LRTM1: variants seen among roughly 807,000 people sequenced by gnomAD.
LRTM1 encodes leucine-rich repeat and transmembrane domain-containing protein 1.
A neutral mutation model predicts 32.4 loss-of-function variants in LRTM1; 38 were observed. The ratio of observed to expected loss-of-function variants is 1.17; its 90% CI spans 0.91 to 1.54. LRTM1 has a LOEUF of 1.54. LRTM1 is among the 40% of genes most tolerant of loss of function. LRTM1 has a pLI of 0.00. For synonymous variants in LRTM1, 186 were observed against 169.9 expected (o/e 1.09, Z -0.74); for missense variants, 466 against 415.4 (o/e 1.12, Z -1.06).
At chr3:54,928,064 G>A, upstream of LRTM1, 1 of 701,140 alleles carries the variant, frequency 1.4e-6, no homozygotes, top group Non-Finnish European at 2.5e-6. Context: ...GAAAACAGTT[G>A]TTGCTTTCAA....
chr3:54,940,468 C>G (rs1473845981), intron 1 of LRTM1, among the ~76,000 whole-genome samples: 1 of 152,186 alleles, frequency 6.6e-6, no homozygotes, highest in African/African-American at 2.4e-5. Context: ...ACCAACATTT[C>G]AGACACAGAC....
intron 2 of LRTM1, among the ~76,000 whole-genome samples, 200 bp downstream of exon 2, chr3:54,924,419 G>C (rs1297369120): frequency 6.6e-6 from 1 of 152,148 alleles, no homozygotes; most frequent in Non-Finnish European, 1.5e-5. Context: ...CATATTTGTA[G>C]ATTAATTTCG....
At position 54,920,351 on chromosome 3, in the gene LRTM1, G is replaced by A. The variant is rs1700806716; in HGVS notation, c.605-1459C>T. Among the ~76,000 whole-genome samples, 3 of 152,204 alleles carry A rather than the reference G, an allele frequency of 2.0e-5. No homozygotes were observed. In the South Asian group the frequency reaches 6.2e-4, roughly 32 times the overall value. Reference sequence around the variant, plus strand: ...TGGCCCCAACACACCAGGGTGAGTGGCAGTGGCAAAATTCAACCCATGTCC... The same window carrying A: ...TGGCCCCAACACACCAGGGTGAGTGACAGTGGCAAAATTCAACCCATGTCC... On this transcript the variant is annotated intron_variant, in intron 2 of 2. Coordinates refer to ENST00000273286, the MANE Select transcript of LRTM1 (RefSeq NM_020678.4).
At chr3:54,942,236 C>T (rs1216390277) in intron 1 of LRTM1, among the ~76,000 whole-genome samples, 3 of 152,138 alleles carry the variant, frequency 2.0e-5, no homozygotes, top group African/African-American at 7.2e-5. Flanking sequence ...AGCCCATGGT[C>T]CCTTGAAAGT....
intron 1 of LRTM1, among the ~76,000 whole-genome samples, chr3:54,950,827 T>C (rs9847621): frequency 0.015 from 2,357 of 152,114 alleles, 68 homozygotes; most frequent in African/African-American, 0.054. Context: ...CATGGTGACA[T>C]GTGAGGTTTG....
At chr3:54,926,764 G>A (rs1216795566) in intron 1 of LRTM1, among the ~76,000 whole-genome samples, 1 of 152,118 alleles carries the variant, frequency 6.6e-6, no homozygotes, top group African/African-American at 2.4e-5. Flanking sequence ...AGGGGTAGTT[G>A]AACGGTTGCA....
chr3:54,928,226 G>A (rs75510138), upstream of LRTM1, among the ~76,000 whole-genome samples: 5,381 of 152,184 alleles, frequency 0.035, 303 homozygotes, highest in African/African-American at 0.12. Context: ...GATGAGCCGC[G>A]TAAAGAATGT....
chr3:54,922,707 T>C (rs1700888967), intron 2 of LRTM1, among the ~76,000 whole-genome samples: 1 of 152,130 alleles, frequency 6.6e-6, no homozygotes, highest in African/African-American at 2.4e-5. Context: ...GCTTCGGGCT[T>C]AAATATACAA....
chr3:54,947,377 C>T (rs538232176), intron 1 of LRTM1, among the ~76,000 whole-genome samples: 1 of 152,256 alleles, frequency 6.6e-6, no homozygotes, highest in East Asian at 1.9e-4. Context: ...ATAACAGGCT[C>T]TGGTTAGGAC....
At chr3:54,942,211 A>C (rs1036606372) in intron 1 of LRTM1, among the ~76,000 whole-genome samples, 5 of 152,202 alleles carry the variant, frequency 3.3e-5, no homozygotes, top group African/African-American at 7.2e-5. Flanking sequence ...CAGGTGTGTC[A>C]GTGCTTTTAA....
chr3:54,938,930 T>G (rs1451153019), intron 1 of LRTM1, among the ~76,000 whole-genome samples: 1 of 152,112 alleles, frequency 6.6e-6, no homozygotes, highest in Non-Finnish European at 1.5e-5. Flanking sequence ...GGAGAGCATG[T>G]GCATTGGCCT....
At chr3:54,944,184 A>G (rs956048664) in intron 1 of LRTM1, among the ~76,000 whole-genome samples, 3 of 151,944 alleles carry the variant, frequency 2.0e-5, no homozygotes, top group African/African-American at 7.3e-5. Flanking sequence ...TCATTATGCC[A>G]GGATGCTGTG....
At chr3:54,924,163 G>A (rs780951984) in intron 2 of LRTM1, among the ~76,000 whole-genome samples, 15 of 152,182 alleles carry the variant, frequency 9.9e-5, no homozygotes, top group Non-Finnish European at 2.1e-4. Flanking sequence ...TGCTAAAGCA[G>A]AAAGGACAAT....
intron 1 of LRTM1, among the ~76,000 whole-genome samples, chr3:54,947,924 G>A (rs1471600833): frequency 6.6e-6 from 1 of 152,130 alleles, no homozygotes; most frequent in Non-Finnish European, 1.5e-5. Flanking sequence ...AGAGCAACAT[G>A]GCCTCTGTCT....
chr3:54,930,407 C>T (rs1052969431), upstream of LRTM1, among the ~76,000 whole-genome samples: 3 of 152,212 alleles, frequency 2.0e-5, no homozygotes, highest in African/African-American at 4.8e-5. Context: ...TACTTACCAG[C>T]TTTAAGGGGG....
At position 54,936,307 on chromosome 3, in the gene LRTM1, A is replaced by C. The variant is rs1320500251; in HGVS notation, c.-221-11092T>G. On this transcript the variant is annotated intron_variant, in intron 1 of 2. Coordinates refer to the LRTM1 transcript ENST00000493075. ...ACAAAAACAGGCAAGTTAAATGCAA[A>C]GGAGTATTCTGCCCGTGGACAGAGC... Among the ~76,000 whole-genome samples, 9 of 152,192 alleles carry C rather than the reference A, an allele frequency of 5.9e-5. No homozygotes were observed. The East Asian group carries it at 1.7e-3, about 29-fold the overall frequency.
intron 1 of LRTM1, among the ~76,000 whole-genome samples, chr3:54,942,676 G>A (rs1312865084): frequency 1.3e-5 from 2 of 151,982 alleles, no homozygotes; most frequent in African/African-American, 2.4e-5. Context: ...ATCATTTGAG[G>A]ACAGGAGTTT....
intron 1 of LRTM1, among the ~76,000 whole-genome samples, chr3:54,935,940 G>A (rs893731968): frequency 2.6e-5 from 4 of 152,160 alleles, no homozygotes; most frequent in Admixed American, 1.3e-4. Context: ...AATCCCCTTT[G>A]TGAGTCCAAT....
chr3:54,950,123 A>G (rs1156868236), intron 1 of LRTM1, among the ~76,000 whole-genome samples: 1 of 152,222 alleles, frequency 6.6e-6, no homozygotes, highest in Non-Finnish European at 1.5e-5. Context: ...TGCAGCTGGA[A>G]AATGGGAGTC....
Sources: allele counts gnomAD v4.1 joint callset (sites outside exome capture counted in the v4.1 genomes callset), GRCh38; gene constraint gnomAD v4.1.1; transcripts MANE v1.5; gene names NCBI Gene and HGNC (gene_info 2026-07-23, HGNC 2026-07-21).